FAM227B: variants seen among roughly 807,000 people sequenced by gnomAD.
The protein encoded by FAM227B is protein FAM227B.
In FAM227B, 88 loss-of-function variants were observed where a neutral mutation model predicts 73.8. The observed-to-expected ratio is 1.19, with a 90% CI of 1.00 to 1.42. The LOEUF (loss-of-function observed/expected upper bound fraction) is 1.42, where lower values mean the gene tolerates loss of function less well. Among genes scored for constraint, FAM227B ranks in the 40% most tolerant of loss-of-function variants. FAM227B has a pLI of 0.00. For synonymous variants in FAM227B, 210 were observed against 190.5 expected, an observed-to-expected ratio of 1.10 and a Z score of -0.84; for missense variants, 632 against 590.9, an observed-to-expected ratio of 1.07 and a Z score of -0.72.
At chr15:49,345,556 GGT>G (rs2041355501) in intron 13 of FAM227B, among the ~76,000 whole-genome samples, 1 of 152,166 alleles carries the variant, frequency 6.6e-6, no homozygotes, top group South Asian at 2.1e-4. Flanking sequence ...TATGAACAAT[GGT>G]TATATTCTAC....
intron 10 of FAM227B, among the ~76,000 whole-genome samples, chr15:49,521,200 A>G (rs896210339): frequency 6.6e-6 from 1 of 152,160 alleles, no homozygotes; most frequent in African/African-American, 2.4e-5. Flanking sequence ...ATCATCTGGA[A>G]ACATGCTCTG....
intron 13 of FAM227B, chr15:49,366,566 T>A (rs1227564855): frequency 6.3e-7 from 1 of 1,596,166 alleles, no homozygotes; most frequent in East Asian, 2.2e-5. Context: ...CATGCAGTAG[T>A]CCTTGGATGT....
intron 3 of FAM227B, among the ~76,000 whole-genome samples, chr15:49,593,094 G>A (rs903334223): frequency 3.3e-5 from 5 of 152,140 alleles, no homozygotes; most frequent in Admixed American, 6.5e-5. Context: ...AGTCTGTCAC[G>A]GCTTCCCTTG....
At chr15:49,373,628 T>G (rs2045980377) in intron 11 of FAM227B, among the ~76,000 whole-genome samples, 1 of 152,152 alleles carries the variant, frequency 6.6e-6, no homozygotes, top group Admixed American at 6.5e-5. Flanking sequence ...TCCTCCACTT[T>G]CATTGGGAAA....
rs768323058 is a variant in FAM227B at position 49,615,236 on chromosome 15, C to T, written c.-65G>A. The T allele has an allele frequency of 1.3e-4, 184 of 1,425,930 alleles. 1 individual carries two copies. Among genetic ancestry groups the T allele is most frequent in the Middle Eastern group, 8.8e-4 (5 of 5,710 alleles). The allele number at this position is 1,425,930 out of a possible 1,614,324, so 88.3% of individuals were successfully genotyped here. A position where few individuals can be genotyped will look rare whatever the true frequency, so the allele number is the denominator to read the frequency against. ...GTCTTAGGCTTCAATGTGAGTTGGG[C>T]GACCAAACTGGGGTATGAAAGACAC... On this transcript the variant is annotated 5_prime_UTR_variant, in exon 2 of 16. Transcript: ENST00000299338.
intron 10 of FAM227B, among the ~76,000 whole-genome samples, chr15:49,515,553 C>T (rs2059319031): frequency 6.6e-6 from 1 of 151,998 alleles, no homozygotes; most frequent in Non-Finnish European, 1.5e-5. Flanking sequence ...ATATATTATG[C>T]AGTGTAGTAA....
chr15:49,614,394 T>A (rs1413316736), intron 2 of FAM227B, among the ~76,000 whole-genome samples: 1 of 152,224 alleles, frequency 6.6e-6, no homozygotes, highest in Non-Finnish European at 1.5e-5. Context: ...GTTAAATAAC[T>A]TGTAAACATT....
intron 11 of FAM227B, among the ~76,000 whole-genome samples, chr15:49,458,262 A>G (rs1270390545): frequency 6.6e-6 from 1 of 151,816 alleles, no homozygotes; most frequent in Admixed American, 6.6e-5. Flanking sequence ...ATACTGAATT[A>G]ATATACTCTG....
At chr15:49,334,252 G>A (rs1028352484) in intron 14 of FAM227B, 3 of 984,164 alleles carry the variant, frequency 3.0e-6, no homozygotes, top group South Asian at 4.7e-5. Context: ...TCCTGCTGCT[G>A]TTTTAGAAGT....
chr15:49,394,284 G>A (rs1393131102), intron 11 of FAM227B, among the ~76,000 whole-genome samples: 2 of 152,128 alleles, frequency 1.3e-5, no homozygotes, highest in Non-Finnish European at 2.9e-5. Flanking sequence ...AGCAAAAAAG[G>A]GAAAGCAGAG....
intron 12 of FAM227B, among the ~76,000 whole-genome samples, chr15:49,370,712 ATCTAATTG>A (rs1162210287): frequency 6.6e-6 from 1 of 152,206 alleles, no homozygotes; most frequent in Non-Finnish European, 1.5e-5. Flanking sequence ...CCAACTTAAA[ATCTAATTG>A]TCTAACAAAT....
chr15:49,340,403 G>GCC (rs373386438), intron 13 of FAM227B, among the ~76,000 whole-genome samples: 61 of 94,472 alleles, frequency 6.5e-4, no homozygotes, highest in Admixed American at 8.7e-4. Flanking sequence ...GCAGTGCCCC[G>GCC]CCCCCCCCCT....
chr15:49,581,876 C>T (rs1389050315), intron 5 of FAM227B, among the ~76,000 whole-genome samples: 1 of 152,132 alleles, frequency 6.6e-6, no homozygotes, highest in African/African-American at 2.4e-5. Flanking sequence ...ATCAAGTCTG[C>T]ATAATAACAA....
chr15:49,483,875 A>C (rs537662980), intron 11 of FAM227B, among the ~76,000 whole-genome samples: 43 of 152,186 alleles, frequency 2.8e-4, no homozygotes, highest in African/African-American at 1.0e-3. Flanking sequence ...TTCCATTACC[A>C]TTGAAGACAA....
chr15:49,422,521 C>T (rs375299077), intron 11 of FAM227B: 6 of 1,309,600 alleles, frequency 4.6e-6, no homozygotes, highest in Admixed American at 6.6e-5. Context: ...AAAGTAGGTG[C>T]CCTGTTCCTT....
intron 11 of FAM227B, among the ~76,000 whole-genome samples, chr15:49,492,120 TAACAAATGCAGCAATCACTATG>T (rs879622199): frequency 2.0e-5 from 3 of 151,892 alleles, no homozygotes; most frequent in Non-Finnish European, 4.4e-5. Context: ...ATAACTTATT[TAACAAATGCAGCAATCACTATG>T]TGAGGTAAAA....
intron 1 of FAM227B, 115 bp from the exon 2 acceptor site, chr15:49,615,358 T>C (rs536695957): frequency 1.6e-6 from 1 of 606,578 alleles, no homozygotes; most frequent in Non-Finnish European, 3.0e-6. Flanking sequence ...TTTGGCTCTG[T>C]ATCTCCACTC....
chr15:49,392,859 T>A (rs563901777), intron 11 of FAM227B, among the ~76,000 whole-genome samples: 2 of 152,276 alleles, frequency 1.3e-5, no homozygotes, highest in Admixed American at 6.5e-5. Flanking sequence ...AGATTATTTG[T>A]AATGGAGAAA....
intron 5 of FAM227B, among the ~76,000 whole-genome samples, chr15:49,582,065 A>G (rs749104815): frequency 6.6e-6 from 1 of 152,192 alleles, no homozygotes; most frequent in African/African-American, 2.4e-5. Context: ...TAAAGCAACC[A>G]CATAAACAAA....
Sources: allele counts gnomAD v4.1 joint callset (sites outside exome capture counted in the v4.1 genomes callset), GRCh38; gene constraint gnomAD v4.1.1; transcripts MANE v1.5; gene names NCBI Gene and HGNC (gene_info 2026-07-23, HGNC 2026-07-21).